CCBE1: variants seen among roughly 807,000 people sequenced by gnomAD.
CCBE1 encodes the protein collagen and calcium-binding EGF domain-containing protein 1.
CCBE1 carries 37 observed loss-of-function variants against 50.0 expected under a neutral mutation model. The ratio of observed to expected loss-of-function variants is 0.74; its 90% CI spans 0.57 to 0.97. CCBE1 has a LOEUF of 0.97. Among genes scored for constraint, CCBE1 ranks in the 50% least tolerant of loss-of-function variants. CCBE1 has a pLI of 0.00. For missense variants in CCBE1, 538 were observed against 523.8 expected, an observed-to-expected ratio of 1.03 and a Z score of -0.26; for synonymous variants, 234 against 203.7, an observed-to-expected ratio of 1.15 and a Z score of -1.27.
chr18:59,507,394 G>A (rs1471069739), intron 2 of CCBE1, among the ~76,000 whole-genome samples: 1 of 152,160 alleles, frequency 6.6e-6, no homozygotes, highest in East Asian at 1.9e-4. Flanking sequence ...GGTCTCACTG[G>A]AGCTTCCCAG....
Position 59,657,152 on chromosome 18 carries a change from C to T in CCBE1, c.212+39477G>A, listed in dbSNP as rs190704274. ...TACCCTGAAAGCTACAAATTGCATG[C>T]GTATGCTACAACAAATGGTTTCAGA... On this transcript the variant is annotated intron_variant, in intron 2 of 10. Transcript: ENST00000439986. Among the ~76,000 whole-genome samples, 536 of 152,268 alleles carry T rather than the reference C, an allele frequency of 3.5e-3. 7 individuals carry two copies. Among genetic ancestry groups the T allele is most frequent in the African/African-American group, 0.012 (507 of 41,550 alleles).
chr18:59,553,625 A>G (rs1229592060), intron 2 of CCBE1, among the ~76,000 whole-genome samples: 1 of 152,198 alleles, frequency 6.6e-6, no homozygotes, highest in African/African-American at 2.4e-5. Context: ...TTTGTACATG[A>G]TCCAGACCAG....
chr18:59,554,911 C>G (rs556653930), intron 2 of CCBE1, among the ~76,000 whole-genome samples: 1 of 152,198 alleles, frequency 6.6e-6, no homozygotes, highest in Non-Finnish European at 1.5e-5. Context: ...GTAGTCAGAC[C>G]GCAGGTCTCT....
chr18:59,645,225 C>G (rs2054040908), intron 2 of CCBE1, among the ~76,000 whole-genome samples: 1 of 139,764 alleles, frequency 7.2e-6, no homozygotes, highest in Admixed American at 7.1e-5. Context: ...GAGACTCCGT[C>G]TCAACAACAA....
rs140526860 is a variant in CCBE1 at position 59,505,007 on chromosome 18, G to A, written c.213-24769C>T. On this transcript the variant is annotated intron_variant, in intron 2 of 10. Transcript: ENST00000439986. ...TGCCATCACACAAATGCATCATGGG[G>A]CCCTGGGTGGTGGATTCACTTCTCT... Among the ~76,000 whole-genome samples the A allele has an allele frequency of 2.0e-3, 303 of 152,276 alleles. 1 individual carries two copies. Among genetic ancestry groups the A allele is most frequent in the African/African-American group, 6.9e-3 (288 of 41,564 alleles).
intron 2 of CCBE1, among the ~76,000 whole-genome samples, chr18:59,508,628 A>C (rs1913990341): frequency 6.6e-6 from 1 of 151,812 alleles, no homozygotes. Flanking sequence ...AAAGAAAAAG[A>C]AACTACCCCA....
intron 2 of CCBE1, among the ~76,000 whole-genome samples, chr18:59,592,778 T>C (rs931450840): frequency 1.3e-5 from 2 of 152,198 alleles, no homozygotes; most frequent in Non-Finnish European, 2.9e-5. Context: ...TCTGGAACCA[T>C]GTTAATGTTT....
At chr18:59,563,572 C>T (rs1219128510) in intron 2 of CCBE1, 1 of 152,192 alleles carries the variant, frequency 6.6e-6, no homozygotes, top group Non-Finnish European at 1.5e-5. Context: ...GGCAAGGCCC[C>T]TGCTGGTATA....
At chr18:59,520,081 T>C (rs868250121) in intron 2 of CCBE1, among the ~76,000 whole-genome samples, 2 of 152,216 alleles carry the variant, frequency 1.3e-5, no homozygotes, top group South Asian at 4.1e-4. Context: ...TGTAGCCTTG[T>C]AGTATAGTTT....
chr18:59,598,640 T>C (rs952821334), intron 2 of CCBE1, among the ~76,000 whole-genome samples: 1 of 152,218 alleles, frequency 6.6e-6, no homozygotes, highest in Non-Finnish European at 1.5e-5. Context: ...CCACCATTTA[T>C]CCATGTAGCT....
intron 2 of CCBE1, among the ~76,000 whole-genome samples, chr18:59,632,968 G>A (rs1441892747): frequency 1.3e-5 from 2 of 152,062 alleles, no homozygotes; most frequent in Non-Finnish European, 2.9e-5. Flanking sequence ...GGACCACAAG[G>A]GACAAGTCAG....
intron 2 of CCBE1, among the ~76,000 whole-genome samples, chr18:59,644,023 T>A (rs1044192653): frequency 6.6e-6 from 1 of 152,084 alleles, no homozygotes; most frequent in Non-Finnish European, 1.5e-5. Flanking sequence ...TCCCCAACCT[T>A]TTTGGTACCA....
chr18:59,606,308 T>C (rs988965857), intron 2 of CCBE1, among the ~76,000 whole-genome samples: 4 of 152,132 alleles, frequency 2.6e-5, no homozygotes, highest in Admixed American at 6.5e-5. Flanking sequence ...AGTGACCCTT[T>C]CAGGGAAAGC....
intron 2 of CCBE1, among the ~76,000 whole-genome samples, chr18:59,512,882 C>G (rs1450989871): frequency 6.6e-6 from 1 of 152,200 alleles, no homozygotes; most frequent in African/African-American, 2.4e-5. Context: ...ACTCAGAGCC[C>G]ATCCTGCACC....
At chr18:59,535,218 G>A (rs538118153) in intron 2 of CCBE1, among the ~76,000 whole-genome samples, 4 of 152,320 alleles carry the variant, frequency 2.6e-5, no homozygotes, top group South Asian at 4.1e-4. Context: ...GACTGTCAAC[G>A]CTGGTGAGCT....
intron 3 of CCBE1, among the ~76,000 whole-genome samples, chr18:59,479,803 A>G (rs1912480672): frequency 6.6e-6 from 1 of 152,236 alleles, no homozygotes; most frequent in South Asian, 2.1e-4. Flanking sequence ...GCTGATGGTC[A>G]TGTAAAGGGA....
At chr18:59,691,291 G>A (rs2054728414) in intron 2 of CCBE1, among the ~76,000 whole-genome samples, 1 of 152,206 alleles carries the variant, frequency 6.6e-6, no homozygotes, top group Admixed American at 6.5e-5. Context: ...TGCTAGAGAT[G>A]GCCTAACACA....
chr18:59,440,913 G>T (rs1283186029), intron 7 of CCBE1, among the ~76,000 whole-genome samples: 1 of 152,164 alleles, frequency 6.6e-6, no homozygotes, highest in Non-Finnish European at 1.5e-5. Context: ...GTGTGTAGGG[G>T]CTGCTGAAAG....
At chr18:59,481,843 T>C (rs112687310) in intron 2 of CCBE1, among the ~76,000 whole-genome samples, 2 of 152,202 alleles carry the variant, frequency 1.3e-5, no homozygotes, top group Admixed American at 6.5e-5. Flanking sequence ...TAGAGGGAAA[T>C]GTACATTTTT....
Sources: gnomAD v4.1 joint callset for allele counts (sites outside exome capture counted in the v4.1 genomes callset) on GRCh38, gnomAD v4.1.1 for gene constraint, MANE v1.5 for transcripts, NCBI Gene and HGNC (gene_info 2026-07-23, HGNC 2026-07-21) for gene names.